The following DCLK1 variants were observed in gnomAD, a reference collection of about 807,000 sequenced individuals.
DCLK1 encodes serine/threonine-protein kinase DCLK1.
In DCLK1, 16 loss-of-function variants were observed where a neutral mutation model predicts 86.2. The observed-to-expected ratio is 0.19, with a 90% CI of 0.13 to 0.28. DCLK1 has a LOEUF of 0.28. DCLK1 is among the 10% of genes least tolerant of loss of function. The pLI, the probability that DCLK1 is intolerant of heterozygous loss-of-function variation, is 1.00. For synonymous variants in DCLK1, 369 were observed against 370.5 expected (o/e 1.00, Z 0.05); for missense variants, 590 against 940.2 (o/e 0.63, Z 4.87).
intron 15 of DCLK1, among the ~76,000 whole-genome samples, chr13:35,797,149 G>A (rs1259239522): frequency 2.0e-5 from 3 of 152,192 alleles, no homozygotes; most frequent in Non-Finnish European, 4.4e-5. Flanking sequence ...CAGGGTTGCC[G>A]TATGATCGGC....
chr13:36,094,471 G>C (rs1179267069), intron 3 of DCLK1, among the ~76,000 whole-genome samples: 1 of 152,088 alleles, frequency 6.6e-6, no homozygotes, highest in Non-Finnish European at 1.5e-5. Context: ...GTGTTCTGTT[G>C]CGTTATTAAA....
chr13:35,846,613 A>T (rs1389070711), intron 6 of DCLK1: 1 of 985,200 alleles, frequency 1.0e-6, no homozygotes, highest in Admixed American at 6.2e-5. Context: ...ATATTTTTCA[A>T]CTGACAGTAC....
At chr13:35,811,336 A>G (rs1593614657) in intron 11 of DCLK1, among the ~76,000 whole-genome samples, 1 of 151,836 alleles carries the variant, frequency 6.6e-6, no homozygotes, top group East Asian at 1.9e-4. Flanking sequence ...AAAAGTACAT[A>G]CAAAAAAAAA....
At chr13:35,788,065 C>T (rs558025284) in intron 16 of DCLK1, 7 of 774,584 alleles carry the variant, frequency 9.0e-6, no homozygotes, top group South Asian at 7.5e-5. Context: ...TGTGGCATCT[C>T]AATCAAGATT....
intron 4 of DCLK1, among the ~76,000 whole-genome samples, chr13:35,921,807 G>A (rs1161153443): frequency 1.3e-5 from 2 of 152,194 alleles, no homozygotes; most frequent in East Asian, 1.9e-4. Flanking sequence ...GCTGATGACT[G>A]TGGGAAGGGG....
chr13:36,056,435 GA>G (rs1883312246), intron 3 of DCLK1, among the ~76,000 whole-genome samples: 2 of 110,484 alleles, frequency 1.8e-5, no homozygotes, highest in Non-Finnish European at 3.6e-5. Flanking sequence ...ATGGACACAG[GA>G]AGGGGAATAT....
upstream of DCLK1, chr13:36,131,413 T>A (rs957216076): frequency 2.8e-4 from 54 of 192,890 alleles, no homozygotes; most frequent in Non-Finnish European, 5.5e-4. Flanking sequence ...TCCCTTTTCT[T>A]GTCTCACTCG....
intron 3 of DCLK1, among the ~76,000 whole-genome samples, chr13:35,978,230 G>A (rs531236922): frequency 6.7e-4 from 78 of 116,210 alleles, no homozygotes; most frequent in African/African-American, 2.5e-3. Flanking sequence ...TTTTTTTGAC[G>A]GAGTCTCACT....
At chr13:36,079,563 C>T (rs1362781964) in intron 3 of DCLK1, among the ~76,000 whole-genome samples, 4 of 151,958 alleles carry the variant, frequency 2.6e-5, no homozygotes, top group African/African-American at 7.2e-5. Flanking sequence ...ACCCGGGAGA[C>T]GGAGGGTGCA....
At chr13:35,966,846 G>T (rs1296876764) in intron 3 of DCLK1, among the ~76,000 whole-genome samples, 1 of 151,838 alleles carries the variant, frequency 6.6e-6, no homozygotes, top group Non-Finnish European at 1.5e-5. Flanking sequence ...CGTGATCTCC[G>T]CTCGCTACCA....
At chr13:36,044,458 T>A (rs149056141) in intron 3 of DCLK1, among the ~76,000 whole-genome samples, 1 of 152,186 alleles carries the variant, frequency 6.6e-6, no homozygotes, top group African/African-American at 2.4e-5. Context: ...TAGGGGAATG[T>A]AGGCTTCCAA....
intron 3 of DCLK1, among the ~76,000 whole-genome samples, chr13:35,954,670 C>A (rs1443629281): frequency 6.6e-6 from 1 of 152,000 alleles, no homozygotes; most frequent in Non-Finnish European, 1.5e-5. Context: ...GTTCTTATGG[C>A]TAGAAGCTTC....
intron 3 of DCLK1, among the ~76,000 whole-genome samples, chr13:36,107,277 T>C (rs1015542181): frequency 2.2e-4 from 33 of 152,174 alleles, no homozygotes; most frequent in Admixed American, 1.6e-3. Context: ...TTCCTAATGT[T>C]TTCCATATTG....
rs189390901 is a variant in DCLK1, at chr13:35,912,093, A to C, written c.823+35265T>G. Among the ~76,000 whole-genome samples the C allele has an allele frequency of 1.4e-4, 22 of 152,268 alleles. No individual in the cohort carries two copies. The East Asian group carries it at 4.1e-3, about 28-fold the overall frequency. ...GCCTGCCCCACAGTAAAGCTCAATCAATCAATCACGGCCCTCCCTTTCTGA... is the reference window on the plus strand; with the variant it reads ...GCCTGCCCCACAGTAAAGCTCAATCCATCAATCACGGCCCTCCCTTTCTGA... On this transcript the variant is annotated intron_variant, in intron 4 of 16. Coordinates refer to ENST00000360631, the MANE Select transcript of DCLK1 (RefSeq NM_001330071.2).
At chr13:35,956,127 A>C (rs1244182683) in intron 3 of DCLK1, among the ~76,000 whole-genome samples, 1 of 152,182 alleles carries the variant, frequency 6.6e-6, no homozygotes, top group Admixed American at 6.5e-5. Context: ...GGATAGTCCA[A>C]GAAAATAAAA....
chr13:35,879,656 T>C (rs138618998), intron 4 of DCLK1, among the ~76,000 whole-genome samples: 22 of 152,272 alleles, frequency 1.4e-4, no homozygotes, highest in Middle Eastern at 3.4e-3. Flanking sequence ...AGGGTCCCAG[T>C]TGGTTTATGT....
intron 4 of DCLK1, among the ~76,000 whole-genome samples, chr13:35,880,787 A>G (rs2153116467): frequency 6.6e-6 from 1 of 152,282 alleles, no homozygotes; most frequent in African/African-American, 2.4e-5. Flanking sequence ...TTCATTGGCC[A>G]GTGAAGCTTC....
intron 2 of DCLK1, 142 bp downstream of exon 2, chr13:36,125,620 C>CA (rs1593913191): frequency 1.6e-6 from 2 of 1,246,636 alleles, no homozygotes; most frequent in East Asian, 5.0e-5. Context: ...CACAATAGCA[C>CA]ATTCGTATGT....
chr13:35,900,623 G>A (rs1251383441), intron 4 of DCLK1, among the ~76,000 whole-genome samples: 1 of 152,182 alleles, frequency 6.6e-6, no homozygotes, highest in African/African-American at 2.4e-5. Flanking sequence ...TTACAGCAGT[G>A]TTTCTCAACC....
Sources: allele counts gnomAD v4.1 joint callset (sites outside exome capture counted in the v4.1 genomes callset), GRCh38; gene constraint gnomAD v4.1.1; transcripts MANE v1.5; gene names NCBI Gene and HGNC (gene_info 2026-07-23, HGNC 2026-07-21).